Variants in TNR observed in about 807,000 individuals in gnomAD.
TNR encodes the protein tenascin R, also known as tenascin-R.
Under a neutral mutation model 150.4 loss-of-function variants are expected in TNR, and 45 were observed. The ratio of observed to expected loss-of-function variants is 0.30; its 90% CI spans 0.24 to 0.38. TNR has a LOEUF of 0.38. Among genes scored for constraint, TNR ranks in the 10% least tolerant of loss-of-function variants. The pLI, the probability that TNR is intolerant of heterozygous loss-of-function variation, is 1.00. For synonymous variants in TNR, 687 were observed against 678.4 expected, an observed-to-expected ratio of 1.01 and a Z score of -0.20; for missense variants, 1,544 against 1,759.1, an observed-to-expected ratio of 0.88 and a Z score of 2.19.
chr1:175,458,957 ACACCAT>A (rs1395671094), intron 2 of TNR, among the ~76,000 whole-genome samples: 5 of 143,612 alleles, frequency 3.5e-5, no homozygotes, highest in African/African-American at 1.1e-4. Context: ...ACCTCCACCA[ACACCAT>A]CACCACCACG....
intron 1 of TNR, among the ~76,000 whole-genome samples, chr1:175,671,259 G>C (rs79548468): frequency 6.5e-4 from 99 of 152,330 alleles, no homozygotes; most frequent in African/African-American, 2.3e-3. Context: ...AGGTCATGGT[G>C]CCTACTGAAC....
chr1:175,341,176 CT>C (rs1279963688), intron 18 of TNR, among the ~76,000 whole-genome samples: 1 of 152,146 alleles, frequency 6.6e-6, no homozygotes, highest in African/African-American at 2.4e-5. Context: ...CCTCCTAGCT[CT>C]CTGGATGTCA....
intron 2 of TNR, among the ~76,000 whole-genome samples, chr1:175,427,069 G>A (rs1379767266): frequency 1.3e-5 from 2 of 148,908 alleles, no homozygotes; most frequent in Non-Finnish European, 3.0e-5. Context: ...AGTCTGATGT[G>A]TTCTCCATTG....
At chr1:175,661,765 T>A (rs1302511114) in intron 1 of TNR, among the ~76,000 whole-genome samples, 3 of 149,698 alleles carry the variant, frequency 2.0e-5, no homozygotes, top group Non-Finnish European at 4.5e-5. Context: ...TTCCTCCCCC[T>A]CTACATCTGC....
At chr1:175,337,743 G>A in intron 18 of TNR, 64 bp from the exon 19 acceptor site, 1 of 1,575,214 alleles carries the variant, frequency 6.3e-7, no homozygotes, top group Non-Finnish European at 8.6e-7. Flanking sequence ...AGAGCTCCTT[G>A]GATCATAGAA....
chr1:175,403,334 C>A lies in TNR; in HGVS notation c.782G>T (p.Cys261Phe), dbSNP rs1396750503. 1 of 1,614,178 alleles carries A rather than the reference C, an allele frequency of 6.2e-7. No homozygotes were observed. The highest frequency in any genetic ancestry group is 8.5e-7 in the Non-Finnish European group (1 of 1,180,024). The change falls in exon 4 of 23, where the codon TGC (cysteine) becomes TTC (phenylalanine). Residue 261 changes from cysteine to phenylalanine, a missense_variant. This residue lies in a region of TNR where 1,254 missense variants were observed against 1,329.4 expected (regional missense o/e 0.94). Coordinates refer to ENST00000367674, the MANE Select transcript of TNR (RefSeq NM_003285.3). ...VCEEPYTGED[C>F]RELRCPGDCS... ...GTCCCCAGGGCACCTCAGTTCCCTG[C>A]AGTCCTCGCCAGTGTAGGGCTCTTC...
At chr1:175,625,040 TG>T (rs1664103154) in intron 1 of TNR, among the ~76,000 whole-genome samples, 1 of 152,214 alleles carries the variant, frequency 6.6e-6, no homozygotes. Flanking sequence ...CCAGAAGTAC[TG>T]GTGCTCCAGC....
chr1:175,665,730 T>G (rs1665515700), intron 1 of TNR, among the ~76,000 whole-genome samples: 1 of 152,252 alleles, frequency 6.6e-6, no homozygotes, highest in African/African-American at 2.4e-5. Context: ...TGTTAGATAC[T>G]GGAGATAAAA....
rs78526621 is a variant in TNR at position 175,358,581 on chromosome 1, C to T, written c.2974+1031G>A. Among the ~76,000 whole-genome samples the T allele has an allele frequency of 2.9e-3, 437 of 152,316 alleles. 7 individuals are homozygous for T. Among genetic ancestry groups the T allele is most frequent in the African/African-American group, 9.6e-3 (398 of 41,556 alleles). On this transcript the variant is annotated intron_variant, in intron 15 of 22. Transcript: ENST00000367674. The stretch of plus-strand genomic sequence containing the variant: ...TTTTGAAAACCAAGACATCTGCCTG[C>T]CTTCTGTCTTCTGGTATCTTTGTTC...
At position 175,386,269 on chromosome 1, in the gene TNR, C is replaced by T. The variant is rs749295527; in HGVS notation, c.1540G>A (p.Asp514Asn). 5.1e-6 allele frequency: 8 copies of T among 1,582,192 alleles called. No homozygotes were observed. The Admixed American group carries it at 5.2e-5, about 10-fold the overall frequency. ...IDGPTQILVR[D>N]VSDTVAFVEW... ...ACAAAAGCCACAGTGTCCGAGACAT[C>T]GCGAACCAGGATCTGCGTGGGGCCG... The change falls in exon 8 of 23, where the codon GAT (aspartate) becomes AAT (asparagine). Residue 514 changes from aspartate to asparagine, a missense_variant. Asp to Asn is a conservative substitution (Grantham distance 23). This residue lies in a region of TNR where 1,254 missense variants were observed against 1,329.4 expected (regional missense o/e 0.94). Transcript: ENST00000367674.
intron 1 of TNR, among the ~76,000 whole-genome samples, chr1:175,647,498 A>G (rs1046885342): frequency 1.3e-5 from 2 of 151,952 alleles, no homozygotes; most frequent in African/African-American, 4.8e-5. Flanking sequence ...AAAGAAGCAA[A>G]GTAAAGGGAA....
At chr1:175,424,988 G>A (rs1203335934) in intron 2 of TNR, among the ~76,000 whole-genome samples, 1 of 152,074 alleles carries the variant, frequency 6.6e-6, no homozygotes, top group African/African-American at 2.4e-5. Flanking sequence ...GGGGGGCCTG[G>A]GGAGGATGGG....
intron 2 of TNR, among the ~76,000 whole-genome samples, chr1:175,493,659 T>C (rs77010871): frequency 0.018 from 2,773 of 152,340 alleles, 39 homozygotes; most frequent in South Asian, 0.039. Flanking sequence ...GACCTTTCCA[T>C]TCCCGACTCC....
intron 1 of TNR, among the ~76,000 whole-genome samples, chr1:175,676,101 T>A (rs1242042485): frequency 6.6e-6 from 1 of 152,214 alleles, no homozygotes; most frequent in Non-Finnish European, 1.5e-5. Flanking sequence ...CACTGAGCTT[T>A]ACAAATGTAC....
chr1:175,578,835 G>A (rs1425589448), intron 1 of TNR, among the ~76,000 whole-genome samples: 1 of 152,178 alleles, frequency 6.6e-6, no homozygotes, highest in Non-Finnish European at 1.5e-5. Flanking sequence ...GTACTTCTGT[G>A]GGTTCTGATG....
intron 18 of TNR, among the ~76,000 whole-genome samples, chr1:175,343,507 G>T (rs1377943197): frequency 3.9e-5 from 6 of 152,302 alleles, no homozygotes; most frequent in Non-Finnish European, 8.8e-5. Context: ...TACTATAGGT[G>T]CTGTCCTAGA....
chr1:175,481,631 G>A (rs1657812716), intron 2 of TNR, among the ~76,000 whole-genome samples: 1 of 152,168 alleles, frequency 6.6e-6, no homozygotes, highest in Admixed American at 6.5e-5. Context: ...CTACATGCTT[G>A]TGGCTGACTT....
At chr1:175,562,004 G>A (rs1354268013) in intron 1 of TNR, among the ~76,000 whole-genome samples, 2 of 152,128 alleles carry the variant, frequency 1.3e-5, no homozygotes, top group South Asian at 2.1e-4. Flanking sequence ...CGTGAAATAT[G>A]AGAAAAATTA....
intron 2 of TNR, among the ~76,000 whole-genome samples, chr1:175,485,064 G>T (rs1657953504): frequency 1.3e-5 from 2 of 152,176 alleles, no homozygotes; most frequent in South Asian, 4.1e-4. Context: ...ATTTTATTCA[G>T]CTAAGACAAA....
Sources: allele counts gnomAD v4.1 joint callset (sites outside exome capture counted in the v4.1 genomes callset), GRCh38; gene constraint gnomAD v4.1.1; regional missense constraint gnomAD v4.1.1; transcripts MANE v1.5; gene names NCBI Gene and HGNC (gene_info 2026-07-23, HGNC 2026-07-21).